TFAM: variants seen among roughly 807,000 people sequenced by gnomAD.
TFAM encodes transcription factor A, mitochondrial, also known as mitochondrial transcription factor 1.
A neutral mutation model predicts 30.6 loss-of-function variants in TFAM; 13 were observed. The ratio of observed to expected loss-of-function variants is 0.42; its 90% CI spans 0.28 to 0.67. The LOEUF is 0.67. Ranked by LOEUF, TFAM falls within the 30% of genes least tolerant of loss-of-function variation. The pLI is 0.21. For missense variants in TFAM, 231 were observed against 293.7 expected (o/e 0.79, Z 1.56); for synonymous variants, 106 against 94.8 (o/e 1.12, Z -0.69).
intron 5 of TFAM, among the ~76,000 whole-genome samples, chr10:58,393,781 G>A (rs1275629501): frequency 6.6e-6 from 1 of 152,012 alleles, no homozygotes; most frequent in Non-Finnish European, 1.5e-5. Flanking sequence ...TGTGGTCCCA[G>A]CTACTCCAGA....
At chr10:58,389,942 A>G (rs568365850) in intron 4 of TFAM, among the ~76,000 whole-genome samples, 6 of 152,358 alleles carry the variant, frequency 3.9e-5, no homozygotes, top group African/African-American at 1.4e-4. Flanking sequence ...TAAAACCCTC[A>G]GGAGAGAAAT....
Position 58,398,461 on chromosome 10 carries a change from ATAAT to A in TFAM, c.*3388_*3391del, listed in dbSNP as rs1217865866. The A allele has an allele frequency of 1.3e-5, 2 of 152,212 alleles. No homozygotes were observed. Among genetic ancestry groups the A allele is most frequent in the Admixed American group, 6.5e-5 (1 of 15,282 alleles). The allele number at this position is 152,212 out of a possible 1,614,324, so 9.4% of individuals were successfully genotyped here. Reference sequence around the variant, plus strand: ...ATTTTACTTTCTGATGTTTGCTTAAATAATACTGTGTACGTATTCAGCTTGCTGT... The same window carrying A: ...ATTTTACTTTCTGATGTTTGCTTAAAACTGTGTACGTATTCAGCTTGCTGT... On this transcript the variant is annotated 3_prime_UTR_variant, in exon 7 of 7. Transcript: ENST00000487519.
intron 3 of TFAM, among the ~76,000 whole-genome samples, chr10:58,388,462 A>G (rs1444616110): frequency 6.6e-6 from 1 of 152,254 alleles, no homozygotes; most frequent in African/African-American, 2.4e-5. Context: ...TAGTTTGAAA[A>G]TGGAAGCTGA....
chr10:58,394,885 C>A (rs1290878688), intron 6 of TFAM, 43 bp from the exon 7 acceptor site: 14 of 1,566,690 alleles, frequency 8.9e-6, no homozygotes, highest in Non-Finnish European at 1.2e-5. Flanking sequence ...CATTTTATCT[C>A]AAAAAATAAG....
At position 58,385,433 on chromosome 10, in the gene TFAM, A is replaced by G. The variant is rs1303490186; in HGVS notation, c.-115A>G. The G allele has an allele frequency of 1.1e-5, 8 of 750,030 alleles. No individual in the cohort carries two copies. Among genetic ancestry groups the G allele is most frequent in the Non-Finnish European group, 1.8e-5 (8 of 436,866 alleles). The allele number at this position is 750,030 out of a possible 1,614,324, so 46.5% of individuals were successfully genotyped here. A position where few individuals can be genotyped will look rare whatever the true frequency, so the allele number is the denominator to read the frequency against. On this transcript the variant is annotated 5_prime_UTR_variant, in exon 1 of 7. The change abolishes an upstream ATG in the 5' untranslated region. Transcript: ENST00000487519. ...CCATAGTGCCTCGCTAGTGGCGGGC[A>G]TGATAACACACGCCGGAGGGTCGCA...
rs1840659439 is a variant in TFAM, at chr10:58,395,100, A to G, written c.*26A>G. On this transcript the variant is annotated 3_prime_UTR_variant, in exon 7 of 7. Coordinates refer to ENST00000487519, the MANE Select transcript of TFAM (RefSeq NM_003201.3). ...AAGTAGAAGATTGAGATGTGTTCAC[A>G]ATGGATAGGCACAGGAAACCAGTTA... 6.8e-6 allele frequency: 11 copies of G among 1,611,776 alleles called. No homozygotes were observed. Among genetic ancestry groups the G allele is most frequent in the Non-Finnish European group, 9.3e-6 (11 of 1,178,376 alleles).
chr10:58,393,200 C>G (rs1192766503), intron 5 of TFAM, among the ~76,000 whole-genome samples: 2 of 151,920 alleles, frequency 1.3e-5, no homozygotes, highest in Admixed American at 6.6e-5. Flanking sequence ...AGGCTGGTCT[C>G]GAACTCCTGA....
In TFAM at chr10:58,386,335, C is replaced by T. The variant is rs772922399; in HGVS notation, c.217C>T (p.Pro73Ser). ...ACTACCCATATTTAAAGCTCAGAAC[C>T]CAGGTAAGGAGTTTTGGGGCATATA... ...EQLPIFKAQNPDAKTTELIRR... is the reference protein window; with the variant it reads ...EQLPIFKAQNSDAKTTELIRR... The change falls in exon 2 of 7, where the codon CCA (proline) becomes TCA (serine). Residue 73 changes from proline to serine, a missense_variant. By Grantham distance (74) the Pro-to-Ser change is moderately conservative. Transcript: ENST00000487519. 6.2e-7 allele frequency: 1 copy of T among 1,607,288 alleles called. No individual in the cohort carries two copies. Among genetic ancestry groups the T allele is most frequent in the Non-Finnish European group, 8.5e-7 (1 of 1,173,930 alleles).
intron 2 of TFAM, chr10:58,386,739 GTT>G (rs1263192007): frequency 4.8e-6 from 5 of 1,039,606 alleles, no homozygotes; most frequent in Non-Finnish European, 5.8e-6. Flanking sequence ...GAACTGTAAA[GTT>G]CTATGCAATT....
rs1287803244 is a variant in TFAM, at chr10:58,399,216, A to G, written c.*4142A>G. The G allele has an allele frequency of 6.6e-6, 1 of 152,138 alleles. No individual in the cohort carries two copies. Among genetic ancestry groups the G allele is most frequent in the Non-Finnish European group, 1.5e-5 (1 of 68,002 alleles). The allele number at this position is 152,138 out of a possible 1,614,324, so 9.4% of individuals were successfully genotyped here. ...TAAATAAACTAAACATTTTTTCATC[A>G]CCAAGCATCATTTATATATTGGTTT... On this transcript the variant is annotated 3_prime_UTR_variant, in exon 7 of 7. Transcript: ENST00000487519.
intron 5 of TFAM, among the ~76,000 whole-genome samples, chr10:58,392,645 A>C (rs1035091346): frequency 6.6e-6 from 1 of 151,992 alleles, no homozygotes; most frequent in Non-Finnish European, 1.5e-5. Context: ...TCTAGAGAGG[A>C]TAAATGTCCT....
Position 58,394,356 on chromosome 10 carries a change from A to G in TFAM, c.538-2A>G. 6.2e-7 allele frequency: 1 copy of G among 1,611,200 alleles called. No individual in the cohort carries two copies. Among genetic ancestry groups the G allele is most frequent in the Non-Finnish European group, 8.5e-7 (1 of 1,177,502 alleles). On this transcript the variant is annotated splice_acceptor_variant, in intron 5 of 6. Transcript: ENST00000487519. LOFTEE classifies it high-confidence loss of function. ...TTAACTTAAACATATATTGTTTTAC[A>G]GGAAAAGCTGAAGACTGTAAAGGAA...
intron 3 of TFAM, 113 bp downstream of exon 3, chr10:58,388,373 TACAAAGAA>T: frequency 1.1e-6 from 1 of 932,986 alleles, no homozygotes; most frequent in Non-Finnish European, 1.7e-6. Context: ...ATCTGTTATC[TACAAAGAA>T]ACTTTATGTC....
intron 5 of TFAM, 62 bp downstream of exon 5, chr10:58,390,922 G>GC: frequency 4.2e-6 from 6 of 1,421,306 alleles, no homozygotes; most frequent in Non-Finnish European, 5.8e-6. Flanking sequence ...AGTCTAGAGT[G>GC]CCATGTGTCA....
chr10:58,385,753 T>G, intron 1 of TFAM, 105 bp downstream of exon 1: 2 of 902,062 alleles, frequency 2.2e-6, no homozygotes, highest in Non-Finnish European at 3.5e-6. Flanking sequence ...GAGTTCAGAG[T>G]CACCCTGGTT....
At chr10:58,385,970 A>C (rs576907349) in intron 1 of TFAM, among the ~76,000 whole-genome samples, 2 of 152,180 alleles carry the variant, frequency 1.3e-5, no homozygotes, top group African/African-American at 4.8e-5. Flanking sequence ...GGCGGGGCCC[A>C]GGAGCTGGAG....
chr10:58,388,650 C>G lies in TFAM; in HGVS notation c.292-20C>G, dbSNP rs377345031. On this transcript the variant is annotated intron_variant, in intron 3 of 6. Coordinates refer to ENST00000487519, the MANE Select transcript of TFAM (RefSeq NM_003201.3). Reference sequence around the variant, plus strand: ...TTGCCAGCAATGGTTTGTTGACTTACTTGGGTTTTTTATTTATAGATATAT... The same window carrying G: ...TTGCCAGCAATGGTTTGTTGACTTAGTTGGGTTTTTTATTTATAGATATAT... The G allele has an allele frequency of 1.1e-5, 17 of 1,608,364 alleles. No individual in the cohort carries two copies. The highest frequency in any genetic ancestry group is 1.8e-4 in the Middle Eastern group (1 of 5,522).
chr10:58,391,756 G>T (rs1564568708), intron 5 of TFAM, among the ~76,000 whole-genome samples: 2 of 151,236 alleles, frequency 1.3e-5, no homozygotes, highest in Admixed American at 6.6e-5. Flanking sequence ...AAGTAATTGT[G>T]GTCTTTGCCA....
rs971695107 is a variant in TFAM, at chr10:58,385,625, A to G, written c.78A>G (p.Gly26=). Residue 26 remains glycine, a synonymous_variant, in exon 1 of 7, where the codon GGA becomes GGG. Coordinates refer to ENST00000487519, the MANE Select transcript of TFAM (RefSeq NM_003201.3). The part of the protein sequence containing the change: ...RSGAELCTGC[G]SRLRSPFSFV... The stretch of plus-strand genomic sequence containing the variant: ...GAGCAGAGCTGTGCACCGGCTGTGG[A>G]AGTCGACTGCGCTCCCCCTTCAGGT... 2.6e-6 allele frequency: 4 copies of G among 1,560,436 alleles called. No individual in the cohort carries two copies. The highest frequency in any genetic ancestry group is 3.5e-6 in the Non-Finnish European group (4 of 1,151,898).
Sources: gnomAD v4.1 joint callset for allele counts (sites outside exome capture counted in the v4.1 genomes callset) on GRCh38, gnomAD v4.1.1 for gene constraint, MANE v1.5 for transcripts, NCBI Gene and HGNC (gene_info 2026-07-23, HGNC 2026-07-21) for gene names.